ICAM3: variants seen among roughly 807,000 people sequenced by gnomAD.
ICAM3 encodes ICAM-3.
A neutral mutation model predicts 43.6 loss-of-function variants in ICAM3; 54 were observed. The ratio of observed to expected loss-of-function variants is 1.24; its 90% CI spans 0.99 to 1.55. ICAM3 has a LOEUF of 1.55. Ranked by LOEUF, ICAM3 falls within the 40% of genes most tolerant of loss-of-function variation. The pLI is 0.00. For synonymous variants in ICAM3, 306 were observed against 312.6 expected (o/e 0.98, Z 0.22); for missense variants, 715 against 717.9 (o/e 1.00, Z 0.05).
chr19:10,334,972 G>A lies in ICAM3; in HGVS notation c.937+94C>T. 12 of 1,516,488 alleles carry A rather than the reference G, an allele frequency of 7.9e-6. No homozygotes were observed. The highest frequency in any genetic ancestry group is 1.1e-5 in the Non-Finnish European group (12 of 1,123,536). 93.9% of individuals were successfully genotyped at this position (1,516,488 alleles called of 1,614,324 possible). A position where few individuals can be genotyped will look rare whatever the true frequency, so the allele number is the denominator to read the frequency against. ...AACCCACGTTGCAACTGCTATTGGG[G>A]CAAGCCAGGCCCCACCTTTTCGGCT... On this transcript the variant is annotated intron_variant, in intron 4 of 6. Coordinates refer to ENST00000160262, the MANE Select transcript of ICAM3 (RefSeq NM_002162.5). The surrounding 1 kb of genome is among the most constrained non-coding windows in gnomAD (Gnocchi z 5.5).
rs2040570513 is a variant in ICAM3 at position 10,334,893 on chromosome 19, C to T, written c.938-111G>A. The stretch of plus-strand genomic sequence containing the variant: ...GGGATATCCGGGCCACGCTTTCGGC[C>T]GTTCAAGCCTCGCCCTCTTTCCGCG... On this transcript the variant is annotated intron_variant, in intron 4 of 6. Coordinates refer to ENST00000160262, the MANE Select transcript of ICAM3 (RefSeq NM_002162.5). This position sits in a 1 kb window ranked among gnomAD's most constrained non-coding sequence, Gnocchi z 5.5. The T allele has an allele frequency of 2.7e-6, 4 of 1,462,444 alleles. No individual in the cohort carries two copies. Among genetic ancestry groups the T allele is most frequent in the Admixed American group, 2.3e-5 (1 of 42,684 alleles). The allele number at this position is 1,462,444 out of a possible 1,614,324, so 90.6% of individuals were successfully genotyped here. A position where few individuals can be genotyped will look rare whatever the true frequency, so the allele number is the denominator to read the frequency against.
In ICAM3 at chr19:10,334,381, C is replaced by T; in HGVS notation, c.1220G>A (p.Cys407Tyr). 3.1e-6 allele frequency: 5 copies of T among 1,614,138 alleles called. No individual in the cohort carries two copies. Among genetic ancestry groups the T allele is most frequent in the Non-Finnish European group, 4.2e-6 (5 of 1,180,028 alleles). Residue 407 changes from cysteine to tyrosine, a missense_variant, in exon 6 of 7, where the codon TGC (cysteine) becomes TAC (tyrosine). By Grantham distance (194) the Cys-to-Tyr change is radical. Coordinates refer to ENST00000160262, the MANE Select transcript of ICAM3 (RefSeq NM_002162.5). This position sits in a 1 kb window ranked among gnomAD's most constrained non-coding sequence, Gnocchi z 5.5. ...LYGPKIDRAT[C>Y]PQHLKWKDKT... ...ATCTTTCCATTTCAAGTGCTGGGGGCATGTGGCTCGGTCAATTTTGGGACC... is the reference window on the plus strand; with the variant it reads ...ATCTTTCCATTTCAAGTGCTGGGGGTATGTGGCTCGGTCAATTTTGGGACC...
rs758285327 is a variant in ICAM3, at chr19:10,335,054, GCCT to G, written c.937+9_937+11del. On this transcript the variant is annotated intron_variant, in intron 4 of 6. Coordinates refer to ENST00000160262, the MANE Select transcript of ICAM3 (RefSeq NM_002162.5). ...TGCTGAGGCCGCGCCCCCTTCCCAC[GCCT>G]CCTCTTACTAAAGACCGTCAAGTTC... 33 of 1,607,878 alleles carry G rather than the reference GCCT, an allele frequency of 2.1e-5. No homozygotes were observed. The African/African-American group carries it at 3.9e-4, about 19-fold the overall frequency.
chr19:10,338,665 C>T lies in ICAM3; in HGVS notation c.343+17G>A, dbSNP rs1384481730. ...CACTACCCAAGACCAGTCCCACCTC[C>T]GGACACGTCGACTCACTGTACACGG... On this transcript the variant is annotated intron_variant, in intron 2 of 6. Coordinates refer to ENST00000160262, the MANE Select transcript of ICAM3 (RefSeq NM_002162.5). The T allele has an allele frequency of 6.2e-6, 10 of 1,612,290 alleles. No homozygotes were observed. Among genetic ancestry groups the T allele is most frequent in the Non-Finnish European group, 6.8e-6 (8 of 1,178,814 alleles).
Position 10,334,109 on chromosome 19 carries a change from C to G in ICAM3, c.1442-50G>C. ...ATATGCGTCCCTTCTGTCTCCAACC[C>G]CCCCGCCCCCCGGCTTACCGGTCCA... On this transcript the variant is annotated intron_variant, in intron 6 of 6. Transcript: ENST00000160262. The surrounding 1 kb of genome is among the most constrained non-coding windows in gnomAD (Gnocchi z 5.5). 1 of 1,607,338 alleles carries G rather than the reference C, an allele frequency of 6.2e-7. No individual in the cohort carries two copies. Among genetic ancestry groups the G allele is most frequent in the African/African-American group, 1.3e-5 (1 of 74,878 alleles).
chr19:10,333,879 T>A lies in ICAM3; in HGVS notation c.1622A>T (p.Glu541Val). Reference protein sequence around the residue: ...TSMQPTEAMGEEPSRAE With the variant: ...TSMQPTEAMGVEPSRAE ...GCGTCACTCAGCTCTGGACGGTTCT[T>A]CCCCCATTGCTTCTGTCGGCTGCAT... is the stretch of plus-strand genomic sequence containing the variant. The change falls in exon 7 of 7, where the codon GAA becomes GTA. Residue 541 changes from glutamate to valine, a missense_variant. Transcript: ENST00000160262. This position sits in a 1 kb window ranked among gnomAD's most constrained non-coding sequence, Gnocchi z 4.2. 1.2e-6 allele frequency: 2 copies of A among 1,614,098 alleles called. No homozygotes were observed. Among genetic ancestry groups the A allele is most frequent in the Non-Finnish European group, 1.7e-6 (2 of 1,180,020 alleles).
intron 1 of ICAM3, 119 bp from the exon 2 acceptor site, chr19:10,339,067 T>A: frequency 9.3e-7 from 1 of 1,080,480 alleles, no homozygotes; most frequent in Non-Finnish European, 1.3e-6. Context: ...CCTGCCTTCA[T>A]GGTCCAGTGG....
chr19:10,339,580 C>T lies in ICAM3; in HGVS notation c.35G>A (p.Arg12Lys), dbSNP rs775492121. The T allele has an allele frequency of 6.2e-7, 1 of 1,614,112 alleles. No homozygotes were observed. Among genetic ancestry groups the T allele is most frequent in the East Asian group, 2.2e-5 (1 of 44,888 alleles). ...ATMVPSVLWP[R>K]ACWTLLVCCL... The stretch of plus-strand genomic sequence containing the variant: ...GCAGACCAGCAGAGTCCAGCAGGCC[C>T]TGGGCCACAACACGGATGGTACCAT... Residue 12 changes from arginine (R) to lysine (K), a missense_variant, in exon 1 of 7, where the codon AGG (arginine) becomes AAG (lysine). Arg to Lys is a conservative substitution (Grantham distance 26). Coordinates refer to ENST00000160262, the MANE Select transcript of ICAM3 (RefSeq NM_002162.5).
chr19:10,334,867 C>T lies in ICAM3; in HGVS notation c.938-85G>A. ...CTCCCTCCGCCCTCCCCTTTCCTCT[C>T]GGGATATCCGGGCCACGCTTTCGGC... On this transcript the variant is annotated intron_variant, in intron 4 of 6. Coordinates refer to ENST00000160262, the MANE Select transcript of ICAM3 (RefSeq NM_002162.5). This position sits in a 1 kb window ranked among gnomAD's most constrained non-coding sequence, Gnocchi z 5.5. 3 of 1,489,054 alleles carry T rather than the reference C, an allele frequency of 2.0e-6. No individual in the cohort carries two copies. The highest frequency in any genetic ancestry group is 2.7e-5 in the South Asian group (2 of 74,758). 92.2% of individuals were successfully genotyped at this position (1,489,054 alleles called of 1,614,324 possible).
At chr19:10,337,842 G>A (rs1009022901) in intron 2 of ICAM3, among the ~76,000 whole-genome samples, 12 of 152,042 alleles carry the variant, frequency 7.9e-5, no homozygotes, top group African/African-American at 2.9e-4. Flanking sequence ...TGCTCTGCCT[G>A]GTCTTAAATT....
rs920373365 is a variant in ICAM3 at position 10,333,843 on chromosome 19, C to T, written c.*14G>A. ...CAGCCAAGCCCCCGCCAACTTTGATCCCGGATCCCAGCGTCACTCAGCTCT... is the reference window on the plus strand; with the variant it reads ...CAGCCAAGCCCCCGCCAACTTTGATTCCGGATCCCAGCGTCACTCAGCTCT... On this transcript the variant is annotated 3_prime_UTR_variant, in exon 7 of 7. Coordinates refer to ENST00000160262, the MANE Select transcript of ICAM3 (RefSeq NM_002162.5). This position sits in a 1 kb window ranked among gnomAD's most constrained non-coding sequence, Gnocchi z 4.2. 3 of 1,611,852 alleles carry T rather than the reference C, an allele frequency of 1.9e-6. No homozygotes were observed. In the African/African-American group the frequency reaches 4.0e-5, roughly 22 times the overall value.
At chr19:10,336,735 G>A (rs1209517428) in intron 2 of ICAM3, among the ~76,000 whole-genome samples, 1 of 149,012 alleles carries the variant, frequency 6.7e-6, no homozygotes, top group East Asian at 2.0e-4. Flanking sequence ...GAACCCAGGA[G>A]GCAAAATTTG....
rs1282255808 is a variant in ICAM3 at position 10,335,321 on chromosome 19, G to A, written c.682C>T (p.Pro228Ser). 1.9e-6 allele frequency: 3 copies of A among 1,611,400 alleles called. No individual in the cohort carries two copies. The highest frequency in any genetic ancestry group is 2.5e-6 in the Non-Finnish European group (3 of 1,179,758). ...GACGTTTCCACCTCCAAGAACCGGG[G>A]GGCCACGAGGCGCGGGGGGGTCACG... Reference protein sequence around the residue: ...LPVTPPRLVAPRFLEVETSWP... With the variant: ...LPVTPPRLVASRFLEVETSWP... Residue 228 changes from proline to serine, a missense_variant, in exon 4 of 7, where the codon CCC becomes TCC. Physicochemically the swap from Pro to Ser is moderately conservative, Grantham distance 74. Coordinates refer to ENST00000160262, the MANE Select transcript of ICAM3 (RefSeq NM_002162.5).
chr19:10,333,831 G>A lies in ICAM3; in HGVS notation c.*26C>T, dbSNP rs200281917. The A allele has an allele frequency of 4.4e-6, 7 of 1,608,244 alleles. No homozygotes were observed. In the African/African-American group the frequency reaches 8.0e-5, roughly 18 times the overall value. ...AATCTGAGGGCACAGCCAAGCCCCCGCCAACTTTGATCCCGGATCCCAGCG... is the reference window on the plus strand; with the variant it reads ...AATCTGAGGGCACAGCCAAGCCCCCACCAACTTTGATCCCGGATCCCAGCG... On this transcript the variant is annotated 3_prime_UTR_variant, in exon 7 of 7. Coordinates refer to ENST00000160262, the MANE Select transcript of ICAM3 (RefSeq NM_002162.5). The surrounding 1 kb of genome is among the most constrained non-coding windows in gnomAD (Gnocchi z 4.2).
Position 10,338,860 on chromosome 19 carries a change from A to G in ICAM3, c.165T>C (p.Thr55=), listed in dbSNP as rs775291853. 50 of 1,614,070 alleles carry G rather than the reference A, an allele frequency of 3.1e-5. No individual in the cohort carries two copies. The highest frequency in any genetic ancestry group is 4.0e-5 in the Non-Finnish European group (47 of 1,180,052). ...AGGSLFVNCS[T]DCPSSEKIAL... is the part of the protein sequence containing the mutation. ...CGATTTTCTCAGAGCTGGGACAATC[A>G]GTACTGCAGTTCACAAACAGGGACC... is the stretch of plus-strand genomic sequence containing the variant. The change falls in exon 2 of 7, where the codon ACT becomes ACC. Residue 55 remains threonine, a synonymous_variant. Coordinates refer to ENST00000160262, the MANE Select transcript of ICAM3 (RefSeq NM_002162.5).
At chr19:10,336,268 T>C (rs2040597752) in intron 2 of ICAM3, 1 of 403,448 alleles carries the variant, frequency 2.5e-6, no homozygotes, top group Non-Finnish European at 4.5e-6. Context: ...ATGACTATGA[T>C]ATGAATATTA....
rs1158317877 is a variant in ICAM3, at chr19:10,334,307, C to T, written c.1294G>A (p.Glu432Lys). The T allele has an allele frequency of 3.1e-6, 5 of 1,614,186 alleles. No individual in the cohort carries two copies. The highest frequency in any genetic ancestry group is 3.3e-5 in the Admixed American group (2 of 60,012). ...QCQARGNPYP[E>K]LRCLKEGSSR... The stretch of plus-strand genomic sequence containing the variant: ...GAGCCTTCCTTCAAACACCGCAGCT[C>T]GGGGTACGGGTTGCCCCTGGCTTGG... The change falls in exon 6 of 7, where the codon GAG (glutamate) becomes AAG (lysine). Residue 432 changes from glutamate to lysine, a missense_variant. Transcript: ENST00000160262. This position sits in a 1 kb window ranked among gnomAD's most constrained non-coding sequence, Gnocchi z 5.5.
chr19:10,338,578 T>C (rs1353819473), intron 2 of ICAM3, 104 bp downstream of exon 2: 8 of 1,025,960 alleles, frequency 7.8e-6, no homozygotes, highest in Non-Finnish European at 1.2e-5. Context: ...GTCAGAACTG[T>C]GGTCCATTCT....
chr19:10,335,926 C>T lies in ICAM3; in HGVS notation c.394G>A (p.Gly132Ser), dbSNP rs2145098586. The T allele has an allele frequency of 1.3e-6, 2 of 1,583,560 alleles. No homozygotes were observed. The highest frequency in any genetic ancestry group is 2.3e-5 in the East Asian group (1 of 44,034). ...LAPLPPWQPVGQNFTLRCQVE... is the reference protein window; with the variant it reads ...LAPLPPWQPVSQNFTLRCQVE... ...TGGCAGCGCAGGGTGAAGTTCTGGC[C>T]CACCGGCTGCCAAGGAGGCAGGGGT... Residue 132 changes from glycine to serine, a missense_variant, in exon 3 of 7, where the codon GGC (glycine) becomes AGC (serine). Coordinates refer to ENST00000160262, the MANE Select transcript of ICAM3 (RefSeq NM_002162.5).
Sources: allele counts gnomAD v4.1 joint callset (sites outside exome capture counted in the v4.1 genomes callset), GRCh38; gene constraint gnomAD v4.1.1; non-coding constraint Gnocchi (gnomAD v3.1); transcripts MANE v1.5; gene names NCBI Gene and HGNC (gene_info 2026-07-23, HGNC 2026-07-21).